TMEFF2: variants seen among roughly 807,000 people sequenced by gnomAD.
The protein encoded by TMEFF2 is tomoregulin-2.
In TMEFF2, 28 loss-of-function variants were observed where a neutral mutation model predicts 53.8. That is an observed-to-expected ratio of 0.52 (90% CI 0.39 to 0.71). The LOEUF (loss-of-function observed/expected upper bound fraction) is 0.71, where lower values mean the gene tolerates loss of function less well. Ranked by LOEUF, TMEFF2 falls within the 30% of genes least tolerant of loss-of-function variation. The pLI is 0.00. For synonymous variants in TMEFF2, 162 were observed against 166.3 expected, an observed-to-expected ratio of 0.97 and a Z score of 0.20; for missense variants, 353 against 455.2, an observed-to-expected ratio of 0.78 and a Z score of 2.04.
intron 4 of TMEFF2, among the ~76,000 whole-genome samples, chr2:192,085,742 A>G (rs1340761656): frequency 6.6e-6 from 1 of 151,542 alleles, no homozygotes; most frequent in Non-Finnish European, 1.5e-5. Context: ...AGGTAATTTC[A>G]GAATTCAGTA....
intron 4 of TMEFF2, among the ~76,000 whole-genome samples, chr2:192,085,462 T>C (rs1688649416): frequency 1.3e-5 from 2 of 152,076 alleles, no homozygotes; most frequent in Non-Finnish European, 2.9e-5. Context: ...TCACTGTGGG[T>C]TATTTAAATG....
intron 5 of TMEFF2, chr2:192,021,896 T>C (rs1209591976): frequency 6.6e-6 from 1 of 152,220 alleles, no homozygotes; most frequent in Non-Finnish European, 1.5e-5. Context: ...CATAATTCAG[T>C]TGCCATTGTT....
At position 191,986,877 on chromosome 2, in the gene TMEFF2, AAAGT is replaced by A. The variant is rs1396530292; in HGVS notation, c.745+11381_745+11384del. On this transcript the variant is annotated intron_variant, in intron 7 of 9. Coordinates refer to ENST00000272771, the MANE Select transcript of TMEFF2 (RefSeq NM_016192.4). The stretch of plus-strand genomic sequence containing the variant: ...CGTCTCAGAAAAAAAAAAAAAAAAA[AAAGT>A]GTGTTTGAAGCAGCAAGATGAAATG... Among the ~76,000 whole-genome samples, 179 of 151,632 alleles carry A rather than the reference AAAGT, an allele frequency of 1.2e-3. 1 individual carries two copies. The highest frequency in any genetic ancestry group is 4.1e-3 in the African/African-American group (171 of 41,264).
chr2:192,124,633 A>C (rs1689633803), intron 4 of TMEFF2, among the ~76,000 whole-genome samples: 1 of 152,226 alleles, frequency 6.6e-6, no homozygotes, highest in Admixed American at 6.5e-5. Flanking sequence ...TATGTGGTCA[A>C]CCTCAGAGAA....
At chr2:192,116,535 G>A (rs1162793761) in intron 4 of TMEFF2, among the ~76,000 whole-genome samples, 2 of 151,878 alleles carry the variant, frequency 1.3e-5, no homozygotes, top group Non-Finnish European at 2.9e-5. Context: ...TTCAATATAT[G>A]GTTAAGTTAG....
chr2:192,147,729 A>C (rs540470199), intron 4 of TMEFF2, among the ~76,000 whole-genome samples: 1 of 152,178 alleles, frequency 6.6e-6, no homozygotes, highest in East Asian at 1.9e-4. Context: ...CAAACATTTG[A>C]CTGGGGCTCA....
chr2:192,048,745 A>G (rs1342574930), intron 5 of TMEFF2, among the ~76,000 whole-genome samples: 1 of 152,198 alleles, frequency 6.6e-6, no homozygotes, highest in East Asian at 1.9e-4. Flanking sequence ...CAGCAGAAAT[A>G]GACATTTGTA....
chr2:192,076,430 G>A (rs764190112), intron 4 of TMEFF2, among the ~76,000 whole-genome samples: 1 of 151,936 alleles, frequency 6.6e-6, no homozygotes, highest in Non-Finnish European at 1.5e-5. Context: ...TGAGAGAATC[G>A]AAGTAAAACT....
At chr2:192,047,288 TTTA>T (rs1483077868) in intron 5 of TMEFF2, among the ~76,000 whole-genome samples, 1 of 152,210 alleles carries the variant, frequency 6.6e-6, no homozygotes, top group Non-Finnish European at 1.5e-5. Context: ...AATATTTTAT[TTTA>T]TTTCTTATTT....
At chr2:191,959,055 T>C (rs1051592224) in intron 7 of TMEFF2, among the ~76,000 whole-genome samples, 1 of 152,164 alleles carries the variant, frequency 6.6e-6, no homozygotes, top group Non-Finnish European at 1.5e-5. Flanking sequence ...GTATAGTAGG[T>C]ATTAAGCAAT....
intron 4 of TMEFF2, among the ~76,000 whole-genome samples, chr2:192,114,841 A>T (rs1381066585): frequency 6.6e-6 from 1 of 152,002 alleles, no homozygotes; most frequent in Admixed American, 6.6e-5. Context: ...TGATAGTTAT[A>T]AGATAAACAA....
chr2:192,057,557 TGGG>T, intron 5 of TMEFF2, 119 bp downstream of exon 5: 30 of 917,780 alleles, frequency 3.3e-5, no homozygotes, highest in Admixed American at 1.9e-4. Context: ...TTTTTTCACT[TGGG>T]AACTGAATAA....
intron 5 of TMEFF2, chr2:192,029,073 C>T (rs1369555604): frequency 6.6e-6 from 1 of 152,002 alleles, no homozygotes; most frequent in Non-Finnish European, 1.5e-5. Flanking sequence ...ATGTTGCTTC[C>T]AAGACTAGAT....
chr2:192,122,047 T>C (rs1264564778), intron 4 of TMEFF2, among the ~76,000 whole-genome samples: 5 of 152,180 alleles, frequency 3.3e-5, no homozygotes, highest in Non-Finnish European at 5.9e-5. Flanking sequence ...AGAGAGAATT[T>C]TGAATATTCC....
chr2:192,133,955 G>C (rs1298229970), intron 4 of TMEFF2, among the ~76,000 whole-genome samples: 1 of 152,106 alleles, frequency 6.6e-6, no homozygotes, highest in Non-Finnish European at 1.5e-5. Context: ...CCTAGGCATG[G>C]TTAGTGCAGT....
At chr2:192,009,327 A>G (rs1160485836) in intron 5 of TMEFF2, among the ~76,000 whole-genome samples, 2 of 152,172 alleles carry the variant, frequency 1.3e-5, no homozygotes, top group Admixed American at 6.6e-5. Flanking sequence ...ACAAGTTTCA[A>G]TAGATTTTTT....
intron 5 of TMEFF2, chr2:192,036,302 A>G (rs979829919): frequency 3.9e-5 from 6 of 152,212 alleles, no homozygotes; most frequent in African/African-American, 1.4e-4. Context: ...GGGATATCTG[A>G]CCAACTGGAT....
At chr2:192,180,601 C>T (rs1229164605) in intron 3 of TMEFF2, among the ~76,000 whole-genome samples, 3 of 151,674 alleles carry the variant, frequency 2.0e-5, no homozygotes, top group Admixed American at 2.0e-4. Context: ...CTGATGTGCC[C>T]TTATTCCACA....
At chr2:192,175,989 T>C (rs574022108) in intron 4 of TMEFF2, among the ~76,000 whole-genome samples, 8 of 151,540 alleles carry the variant, frequency 5.3e-5, no homozygotes, top group Middle Eastern at 3.4e-3. Context: ...AATTATTCTT[T>C]AACCACCCAC....
Sources: allele counts gnomAD v4.1 joint callset (sites outside exome capture counted in the v4.1 genomes callset), GRCh38; gene constraint gnomAD v4.1.1; transcripts MANE v1.5; gene names NCBI Gene and HGNC (gene_info 2026-07-23, HGNC 2026-07-21).